CD226: variants seen among roughly 807,000 people sequenced by gnomAD.
The protein encoded by CD226 is CD226 antigen.
CD226 carries 24 observed loss-of-function variants against 34.9 expected under a neutral mutation model. The observed-to-expected ratio is 0.69, with a 90% CI of 0.50 to 0.97. The LOEUF (loss-of-function observed/expected upper bound fraction) is 0.97. Ranked by LOEUF, CD226 falls within the 50% of genes least tolerant of loss-of-function variation. The pLI, the probability that CD226 is intolerant of heterozygous loss-of-function variation, is 0.00. For missense variants in CD226, 397 were observed against 412.7 expected (o/e 0.96, Z 0.33); for synonymous variants, 148 against 147.4 (o/e 1.00, Z -0.03).
At chr18:69,886,162 C>T (rs553713972) in intron 3 of CD226, among the ~76,000 whole-genome samples, 1 of 152,306 alleles carries the variant, frequency 6.6e-6, no homozygotes, top group Non-Finnish European at 1.5e-5. Context: ...CCCTGCCCCT[C>T]TATTTATTAG....
At chr18:69,951,830 T>A (rs1032392619), upstream of CD226, among the ~76,000 whole-genome samples, 1 of 152,168 alleles carries the variant, frequency 6.6e-6, no homozygotes, top group Non-Finnish European at 1.5e-5. Context: ...TTCATGGGAA[T>A]GTAAATTAGT....
chr18:69,897,377 G>T (rs566478730), intron 2 of CD226, among the ~76,000 whole-genome samples: 2 of 152,320 alleles, frequency 1.3e-5, no homozygotes, highest in African/African-American at 2.4e-5. Context: ...AACCCAGCAA[G>T]GTAACAAGTG....
At chr18:69,959,741 T>C (rs1050492981), upstream of CD226, among the ~76,000 whole-genome samples, 1 of 152,232 alleles carries the variant, frequency 6.6e-6, no homozygotes, top group Non-Finnish European at 1.5e-5. Flanking sequence ...GGAAGGTTAA[T>C]GGGGAACCCT....
upstream of CD226, among the ~76,000 whole-genome samples, chr18:69,960,841 C>T (rs2055926377): frequency 6.6e-6 from 1 of 152,162 alleles, no homozygotes; most frequent in Non-Finnish European, 1.5e-5. Context: ...TTATGAGAAA[C>T]TAACAGCAAC....
chr18:69,960,069 G>A (rs1284775116), upstream of CD226, among the ~76,000 whole-genome samples: 2 of 151,840 alleles, frequency 1.3e-5, no homozygotes, highest in African/African-American at 4.8e-5. Context: ...GTGAAACCCC[G>A]TCTCTACTAA....
intron 2 of CD226, among the ~76,000 whole-genome samples, chr18:69,934,524 C>T (rs1273914840): frequency 1.3e-5 from 2 of 152,196 alleles, no homozygotes; most frequent in Admixed American, 1.3e-4. Context: ...TGGCCACGGT[C>T]ACCACTGTGT....
At chr18:69,905,176 T>C (rs2055237062) in intron 2 of CD226, among the ~76,000 whole-genome samples, 1 of 152,154 alleles carries the variant, frequency 6.6e-6, no homozygotes, top group African/African-American at 2.4e-5. Context: ...GGGACTCCGG[T>C]GACAGCCAGA....
chr18:69,954,606 A>G (rs2055881327), intron 1 of CD226, among the ~76,000 whole-genome samples: 1 of 152,010 alleles, frequency 6.6e-6, no homozygotes, highest in Admixed American at 6.6e-5. Flanking sequence ...TTCCTCACCC[A>G]GGATAAAGAA....
chr18:69,914,532 T>C (rs1213744786), intron 2 of CD226, among the ~76,000 whole-genome samples: 2 of 152,190 alleles, frequency 1.3e-5, no homozygotes, highest in Non-Finnish European at 2.9e-5. Context: ...TATATATTGC[T>C]CCTTTACAAA....
intron 2 of CD226, among the ~76,000 whole-genome samples, chr18:69,945,537 T>C (rs2055778685): frequency 6.6e-6 from 1 of 152,174 alleles, no homozygotes; most frequent in Non-Finnish European, 1.5e-5. Context: ...GTGTCCTCTC[T>C]AGCTAAACCT....
intron 2 of CD226, among the ~76,000 whole-genome samples, chr18:69,935,512 C>T (rs748920445): frequency 3.9e-5 from 6 of 152,178 alleles, no homozygotes; most frequent in African/African-American, 7.2e-5. Context: ...CTATAGGACA[C>T]CAGCTCTTAC....
chr18:69,908,649 C>T (rs573761216), intron 2 of CD226, among the ~76,000 whole-genome samples: 1 of 150,174 alleles, frequency 6.7e-6, no homozygotes, highest in Non-Finnish European at 1.5e-5. Context: ...GCATCAAAGA[C>T]TATATAACTA....
chr18:69,956,016 CAT>C (rs1295505259), intron 1 of CD226, among the ~76,000 whole-genome samples: 3 of 152,310 alleles, frequency 2.0e-5, no homozygotes, highest in South Asian at 2.1e-4. Flanking sequence ...AAGTCATACA[CAT>C]GTCCCCAGGA....
At chr18:69,884,362 G>C (rs529339305) in intron 3 of CD226, among the ~76,000 whole-genome samples, 4 of 152,188 alleles carry the variant, frequency 2.6e-5, no homozygotes, top group South Asian at 2.1e-4. Flanking sequence ...CTCTACTCTA[G>C]AAAGCACCTT....
At chr18:69,928,805 TAC>T (rs1202251590) in intron 2 of CD226, among the ~76,000 whole-genome samples, 1 of 152,214 alleles carries the variant, frequency 6.6e-6, no homozygotes, top group Non-Finnish European at 1.5e-5. Flanking sequence ...CAGTCTGTAG[TAC>T]ACAGAGTGAA....
At chr18:69,869,639 T>C (rs1983377062) in intron 4 of CD226, among the ~76,000 whole-genome samples, 1 of 152,124 alleles carries the variant, frequency 6.6e-6, no homozygotes, top group South Asian at 2.1e-4. Context: ...CTGCACATCC[T>C]GCACATGTAT....
chr18:69,870,144 A>G (rs1017971586), intron 4 of CD226, among the ~76,000 whole-genome samples: 5 of 151,954 alleles, frequency 3.3e-5, no homozygotes, highest in African/African-American at 1.2e-4. Context: ...CCGAAAACCA[A>G]GGTTCCCTAT....
At position 69,862,703 on chromosome 18, in the gene CD226, G is replaced by A. The variant is rs1036675699; in HGVS notation, c.*1611C>T. 6.7e-6 allele frequency: 1 copy of A among 149,136 alleles called. No individual in the cohort carries two copies. The highest frequency in any genetic ancestry group is 1.5e-5 in the Non-Finnish European group (1 of 67,182). 9.2% of individuals were successfully genotyped at this position (149,136 alleles called of 1,614,324 possible). A position where few individuals can be genotyped will look rare whatever the true frequency, so the allele number is the denominator to read the frequency against. ...AACAAGTGCATTATTTGGCATACATGGTGTTTAAGGCTAAAATCATAAAAT... is the reference window on the plus strand; with the variant it reads ...AACAAGTGCATTATTTGGCATACATAGTGTTTAAGGCTAAAATCATAAAAT... On this transcript the variant is annotated 3_prime_UTR_variant, in exon 6 of 6. Transcript: ENST00000582621.
chr18:69,886,595 G>A (rs1212919113), intron 3 of CD226, among the ~76,000 whole-genome samples: 10 of 151,954 alleles, frequency 6.6e-5, no homozygotes, highest in African/African-American at 2.4e-4. Flanking sequence ...AATCCCAGCT[G>A]CTTGGGAGGC....
Sources: allele counts gnomAD v4.1 joint callset (sites outside exome capture counted in the v4.1 genomes callset), GRCh38; gene constraint gnomAD v4.1.1; transcripts MANE v1.5; gene names NCBI Gene and HGNC (gene_info 2026-07-23, HGNC 2026-07-21).